ATRNL1: variants seen among roughly 807,000 people sequenced by gnomAD.
The protein encoded by ATRNL1 is attractin like 1, also known as attractin-like protein 1.
ATRNL1 carries 95 observed loss-of-function variants against 182.7 expected under a neutral mutation model. That is an observed-to-expected ratio of 0.52 (90% confidence interval 0.44 to 0.62). ATRNL1 has a LOEUF of 0.62. Among genes scored for constraint, ATRNL1 ranks in the 20% least tolerant of loss-of-function variants. ATRNL1 has a pLI of 0.00. For synonymous variants in ATRNL1, 576 were observed against 568.3 expected (o/e 1.01, Z -0.19); for missense variants, 1,471 against 1,679.5 (o/e 0.88, Z 2.17).
At chr10:115,763,089 T>C (rs959535020) in intron 27 of ATRNL1, among the ~76,000 whole-genome samples, 2 of 152,176 alleles carry the variant, frequency 1.3e-5, no homozygotes, top group Non-Finnish European at 2.9e-5. Context: ...ATACTCAGAT[T>C]CTTATCAGTG....
chr10:115,194,277 A>G (rs1315396887), intron 8 of ATRNL1, among the ~76,000 whole-genome samples: 8 of 151,980 alleles, frequency 5.3e-5, no homozygotes, highest in Non-Finnish European at 1.2e-4. Context: ...GATCTGTCCA[A>G]TCCTAAAAAT....
chr10:115,283,369 A>T (rs1212868103), intron 14 of ATRNL1, among the ~76,000 whole-genome samples: 3 of 152,236 alleles, frequency 2.0e-5, no homozygotes, highest in African/African-American at 7.2e-5. Context: ...AGCAGAGATC[A>T]CGCCATTGCA....
At chr10:115,298,665 CA>C (rs1339185161) in intron 15 of ATRNL1, among the ~76,000 whole-genome samples, 1 of 152,034 alleles carries the variant, frequency 6.6e-6, no homozygotes, top group Non-Finnish European at 1.5e-5. Flanking sequence ...ATGCTGGTCA[CA>C]ATGTGAAGCA....
chr10:115,691,925 G>C (rs1317065273), intron 26 of ATRNL1, among the ~76,000 whole-genome samples: 1 of 151,502 alleles, frequency 6.6e-6, no homozygotes, highest in Non-Finnish European at 1.5e-5. Flanking sequence ...TTTTTATTTT[G>C]CTGATTGTTT....
At chr10:115,111,751 G>A (rs1844266031) in intron 1 of ATRNL1, among the ~76,000 whole-genome samples, 1 of 152,130 alleles carries the variant, frequency 6.6e-6, no homozygotes, top group Non-Finnish European at 1.5e-5. Flanking sequence ...TCAAACCATA[G>A]CAGTTGAGAA....
chr10:115,948,230 A>G lies in ATRNL1; in HGVS notation c.*3451A>G, dbSNP rs899955873. 6.6e-6 allele frequency: 1 copy of G among 152,216 alleles called. No homozygotes were observed. Among genetic ancestry groups the G allele is most frequent in the African/African-American group, 2.4e-5 (1 of 41,452 alleles). The allele number at this position is 152,216 out of a possible 1,614,324, so 9.4% of individuals were successfully genotyped here. ...TTAAAATTACTGACTGATGACATTG[A>G]GACAAGAGCATCAATGATCACCTTT... On this transcript the variant is annotated 3_prime_UTR_variant, in exon 29 of 29. Coordinates refer to ENST00000355044, the MANE Select transcript of ATRNL1 (RefSeq NM_207303.4).
At chr10:115,202,161 A>G (rs1224649502) in intron 8 of ATRNL1, among the ~76,000 whole-genome samples, 1 of 152,118 alleles carries the variant, frequency 6.6e-6, no homozygotes, top group African/African-American at 2.4e-5. Context: ...TAGATATACA[A>G]TCATGTCATC....
chr10:115,348,513 C>T (rs897375499), intron 19 of ATRNL1, among the ~76,000 whole-genome samples: 1 of 151,802 alleles, frequency 6.6e-6, no homozygotes, highest in African/African-American at 2.4e-5. Flanking sequence ...TTATTTTTGT[C>T]ATATTATTTC....
At chr10:115,685,543 T>A (rs1555046075) in intron 26 of ATRNL1, among the ~76,000 whole-genome samples, 1 of 151,880 alleles carries the variant, frequency 6.6e-6, no homozygotes, top group African/African-American at 2.4e-5. Context: ...AATCATCCAT[T>A]TAGATAATTC....
intron 1 of ATRNL1, among the ~76,000 whole-genome samples, chr10:115,109,071 G>A (rs1844147655): frequency 6.6e-6 from 1 of 152,070 alleles, no homozygotes; most frequent in Non-Finnish European, 1.5e-5. Flanking sequence ...TCTCTACAAA[G>A]TTTTAGGCTT....
intron 27 of ATRNL1, among the ~76,000 whole-genome samples, chr10:115,761,715 G>T (rs1197454958): frequency 1.3e-5 from 2 of 152,140 alleles, no homozygotes; most frequent in African/African-American, 2.4e-5. Context: ...ACAGCAGCTG[G>T]ATAAAAATCC....
intron 10 of ATRNL1, among the ~76,000 whole-genome samples, chr10:115,261,392 G>A (rs1851386363): frequency 6.6e-6 from 1 of 152,098 alleles, no homozygotes; most frequent in African/African-American, 2.4e-5. Flanking sequence ...CTAAGAAATG[G>A]AATATATAAC....
At chr10:115,285,240 C>A (rs2133935715) in intron 14 of ATRNL1, among the ~76,000 whole-genome samples, 1 of 151,832 alleles carries the variant, frequency 6.6e-6, no homozygotes, top group East Asian at 1.9e-4. Flanking sequence ...ATTTTAAAAC[C>A]ATTTTTAATT....
At chr10:115,432,155 T>A (rs1161099071) in intron 21 of ATRNL1, among the ~76,000 whole-genome samples, 1 of 152,202 alleles carries the variant, frequency 6.6e-6, no homozygotes, top group Non-Finnish European at 1.5e-5. Flanking sequence ...TTTTTCATTT[T>A]AATGTGTAAT....
intron 26 of ATRNL1, among the ~76,000 whole-genome samples, chr10:115,645,317 T>A (rs1437637931): frequency 6.6e-6 from 1 of 151,280 alleles, no homozygotes; most frequent in African/African-American, 2.4e-5. Context: ...CTAAATACAT[T>A]GTTTCTTGAA....
chr10:115,899,621 T>G (rs1221381740), intron 28 of ATRNL1, among the ~76,000 whole-genome samples: 1 of 152,110 alleles, frequency 6.6e-6, no homozygotes, highest in African/African-American at 2.4e-5. Flanking sequence ...TATATGAAAT[T>G]TTTAAGTAAA....
chr10:115,727,631 T>A (rs1340321149), intron 27 of ATRNL1, among the ~76,000 whole-genome samples: 1 of 152,212 alleles, frequency 6.6e-6, no homozygotes, highest in Non-Finnish European at 1.5e-5. Flanking sequence ...GAATTTAAGA[T>A]ATAGGTATGA....
chr10:115,239,471 A>T (rs1554902316), intron 9 of ATRNL1, among the ~76,000 whole-genome samples: 1 of 151,996 alleles, frequency 6.6e-6, no homozygotes, highest in Non-Finnish European at 1.5e-5. Flanking sequence ...TGACATCGTG[A>T]TTCGCCCACT....
At chr10:115,406,169 T>C (rs951435868) in intron 20 of ATRNL1, among the ~76,000 whole-genome samples, 1 of 152,104 alleles carries the variant, frequency 6.6e-6, no homozygotes, top group Non-Finnish European at 1.5e-5. Flanking sequence ...GCATGTGTCT[T>C]TATAGCAGCA....
Sources: allele counts gnomAD v4.1 joint callset (sites outside exome capture counted in the v4.1 genomes callset), GRCh38; gene constraint gnomAD v4.1.1; transcripts MANE v1.5; gene names NCBI Gene and HGNC (gene_info 2026-07-23, HGNC 2026-07-21).